CREB3L2: variants seen among roughly 807,000 people sequenced by gnomAD.
CREB3L2 encodes cyclic AMP-responsive element-binding protein 3-like protein 2.
In CREB3L2, 23 loss-of-function variants were observed where a neutral mutation model predicts 57.2. The observed-to-expected ratio is 0.40, with a 90% confidence interval of 0.29 to 0.57. The LOEUF (loss-of-function observed/expected upper bound fraction) is 0.57, where lower values mean the gene tolerates loss of function less well. Ranked by LOEUF, CREB3L2 falls within the 20% of genes least tolerant of loss-of-function variation. CREB3L2 has a pLI of 0.42. For missense variants in CREB3L2, 628 were observed against 634.7 expected (o/e 0.99, Z 0.11); for synonymous variants, 268 against 265.1 (o/e 1.01, Z -0.11).
At chr7:137,897,425 A>G (rs565940977) in intron 8 of CREB3L2, among the ~76,000 whole-genome samples, 13 of 152,310 alleles carry the variant, frequency 8.5e-5, no homozygotes, top group African/African-American at 3.1e-4. Context: ...GCTGGAGTGC[A>G]ATGGCACAAT....
At chr7:137,992,956 A>T (rs968647150) in intron 1 of CREB3L2, among the ~76,000 whole-genome samples, 28 of 152,352 alleles carry the variant, frequency 1.8e-4, no homozygotes, top group Admixed American at 9.1e-4. Context: ...GTGACCACGC[A>T]CTTGAGAAAA....
In CREB3L2 at chr7:137,966,402, C is replaced by T. The variant is rs140993176; in HGVS notation, c.102+35202G>A. ...CAGTCAACAAAGAAAACTGTTAATA[C>T]ATTGGTGCTCCCTCCAGTGGCTCAG... On this transcript the variant is annotated intron_variant, in intron 1 of 11. Coordinates refer to ENST00000330387, the MANE Select transcript of CREB3L2 (RefSeq NM_194071.4). Among the ~76,000 whole-genome samples, 797 of 152,282 alleles carry T rather than the reference C, an allele frequency of 5.2e-3. 3 individuals are homozygous for T. The highest frequency in any genetic ancestry group is 0.017 in the African/African-American group (712 of 41,554).
At chr7:137,996,185 T>C (rs1157482269) in intron 1 of CREB3L2, among the ~76,000 whole-genome samples, 2 of 152,224 alleles carry the variant, frequency 1.3e-5, no homozygotes, top group African/African-American at 4.8e-5. Flanking sequence ...TATTGTTAAA[T>C]ATAAATGCCC....
In CREB3L2 at chr7:137,880,223, A is replaced by G; in HGVS notation, c.*253T>C. ...CCTGCTTGTCCCACCTCCAACCCCT[A>G]AAATAATTTCCTATGGCAGTAAGAG... On this transcript the variant is annotated 3_prime_UTR_variant, in exon 12 of 12. Transcript: ENST00000330387. The surrounding 1 kb of genome is among the most constrained non-coding windows in gnomAD (Gnocchi z 4.0). 1 of 516,558 alleles carries G rather than the reference A, an allele frequency of 1.9e-6. No homozygotes were observed. Among genetic ancestry groups the G allele is most frequent in the South Asian group, 2.3e-5 (1 of 43,972 alleles). 32.0% of individuals were successfully genotyped at this position (516,558 alleles called of 1,614,324 possible). A position where few individuals can be genotyped will look rare whatever the true frequency, so the allele number is the denominator to read the frequency against.
chr7:137,941,476 T>C (rs1800878702), intron 1 of CREB3L2, among the ~76,000 whole-genome samples: 1 of 152,174 alleles, frequency 6.6e-6, no homozygotes, highest in South Asian at 2.1e-4. Flanking sequence ...CTTCCTCTCA[T>C]AAACCTCAAC....
rs147798412 is a variant in CREB3L2 at position 137,974,408 on chromosome 7, G to A, written c.102+27196C>T. Among the ~76,000 whole-genome samples the A allele has an allele frequency of 2.9e-4, 44 of 152,248 alleles. No individual in the cohort carries two copies. In the East Asian group the frequency reaches 6.8e-3, roughly 23 times the overall value. On this transcript the variant is annotated intron_variant, in intron 1 of 11. Coordinates refer to ENST00000330387, the MANE Select transcript of CREB3L2 (RefSeq NM_194071.4). ...AAGAGTGTTCCAACCAGGACCAACC[G>A]GCATGTACAAAGGCCCCATGGCAGG...
intron 1 of CREB3L2, chr7:137,955,417 C>A (rs1801189460): frequency 2.8e-6 from 2 of 719,980 alleles, no homozygotes; most frequent in Non-Finnish European, 2.1e-6. Context: ...CTCCTCTCCC[C>A]TTAATCCCCA....
intron 1 of CREB3L2, among the ~76,000 whole-genome samples, chr7:137,947,925 T>A (rs892072360): frequency 6.6e-6 from 1 of 152,276 alleles, no homozygotes; most frequent in Admixed American, 6.5e-5. Context: ...CCAGGCCTCC[T>A]CCGGCCCGAC....
chr7:137,956,053 G>T (rs1801203097), intron 1 of CREB3L2, among the ~76,000 whole-genome samples: 1 of 152,102 alleles, frequency 6.6e-6, no homozygotes, highest in Non-Finnish European at 1.5e-5. Flanking sequence ...TTAATTTCAG[G>T]TCTCAGATTT....
chr7:137,895,288 C>A (rs1799605457), intron 8 of CREB3L2, among the ~76,000 whole-genome samples: 1 of 152,178 alleles, frequency 6.6e-6, no homozygotes, highest in African/African-American at 2.4e-5. Flanking sequence ...CTTAGAAAAG[C>A]CAGAAGGATT....
At position 137,899,117 on chromosome 7, in the gene CREB3L2, G is replaced by A. The variant is rs1277286007; in HGVS notation, c.1043+2237C>T. ...AAAGAGAAGGAAGGAAGGAAGGAAG[G>A]AAGGAAGGAAGGAAGGAAGGAAGGA... is the stretch of plus-strand genomic sequence containing the variant. On this transcript the variant is annotated intron_variant, in intron 8 of 11. Transcript: ENST00000330387. Among the ~76,000 whole-genome samples the A allele has an allele frequency of 1.1e-3, 91 of 84,058 alleles. No individual in the cohort carries two copies. In the East Asian group the frequency reaches 0.017, roughly 15 times the overall value. 55.1% of individuals were successfully genotyped at this position (84,058 alleles called of 152,430 possible).
chr7:137,936,844 T>G (rs1386418702), intron 1 of CREB3L2, among the ~76,000 whole-genome samples: 2 of 152,222 alleles, frequency 1.3e-5, no homozygotes, highest in Non-Finnish European at 2.9e-5. Context: ...TCTAAAATGT[T>G]GCAGGCAACA....
chr7:137,913,198 T>G (rs1800054053), intron 3 of CREB3L2, 120 bp from the exon 4 acceptor site: 1 of 973,160 alleles, frequency 1.0e-6, no homozygotes, highest in African/African-American at 1.6e-5. Flanking sequence ...TCCTGGAGAA[T>G]AGCTGAGTGT....
chr7:137,919,782 A>G (rs987689755), intron 2 of CREB3L2, among the ~76,000 whole-genome samples: 1 of 152,254 alleles, frequency 6.6e-6, no homozygotes, highest in Non-Finnish European at 1.5e-5. Flanking sequence ...AAGACTTATA[A>G]TGAAATATTA....
chr7:137,882,712 G>T (rs768091777), intron 10 of CREB3L2, 84 bp from the exon 11 acceptor site: 1 of 937,720 alleles, frequency 1.1e-6, no homozygotes, highest in Non-Finnish European at 1.5e-6. Context: ...CTCAGGGCTG[G>T]TGGCAGATGA....
Position 137,879,467 on chromosome 7 carries a change from G to C in CREB3L2, c.*1009C>G, listed in dbSNP as rs549806191. ...GAAAAAGCTTGTGGCCAGGGAGCCC[G>C]GGGCCTGAGTGAGGCATTGTGTCAT... On this transcript the variant is annotated 3_prime_UTR_variant, in exon 12 of 12. Transcript: ENST00000330387. 5 of 375,248 alleles carry C rather than the reference G, an allele frequency of 1.3e-5. No individual in the cohort carries two copies. The highest frequency in any genetic ancestry group is 1.3e-4 in the Admixed American group (3 of 23,770). 23.2% of individuals were successfully genotyped at this position (375,248 alleles called of 1,614,324 possible).
At chr7:137,899,514 C>T (rs1420473154) in intron 8 of CREB3L2, among the ~76,000 whole-genome samples, 1 of 151,790 alleles carries the variant, frequency 6.6e-6, no homozygotes, top group Non-Finnish European at 1.5e-5. Flanking sequence ...TATGCTGGCT[C>T]GGGGAGCAGG....
chr7:137,879,524 A>G lies in CREB3L2; in HGVS notation c.*952T>C, dbSNP rs955063221. The G allele has an allele frequency of 1.1e-5, 3 of 269,056 alleles. No homozygotes were observed. The highest frequency in any genetic ancestry group is 2.2e-5 in the Non-Finnish European group (3 of 139,260). 16.7% of individuals were successfully genotyped at this position (269,056 alleles called of 1,614,324 possible). A position where few individuals can be genotyped will look rare whatever the true frequency, so the allele number is the denominator to read the frequency against. ...CTCTGAGCTCATCCTAGAGGCAGAC[A>G]CATACATGCTCAAAGGAACTTCTTT... On this transcript the variant is annotated 3_prime_UTR_variant, in exon 12 of 12. Coordinates refer to ENST00000330387, the MANE Select transcript of CREB3L2 (RefSeq NM_194071.4).
chr7:137,881,285 C>T lies in CREB3L2; in HGVS notation c.1488-734G>A, dbSNP rs187822976. Among the ~76,000 whole-genome samples, 53 of 152,280 alleles carry T rather than the reference C, an allele frequency of 3.5e-4. 1 individual carries two copies. Among genetic ancestry groups the T allele is most frequent in the Middle Eastern group, 6.8e-3 (2 of 294 alleles). On this transcript the variant is annotated intron_variant, in intron 11 of 11. Coordinates refer to ENST00000330387, the MANE Select transcript of CREB3L2 (RefSeq NM_194071.4). ...GATTTGTATGATACTGTTTCAGTAGCCCTCATCCGAAAATCTAAAATCTAA... is the reference window on the plus strand; with the variant it reads ...GATTTGTATGATACTGTTTCAGTAGTCCTCATCCGAAAATCTAAAATCTAA...
Sources: allele counts gnomAD v4.1 joint callset (sites outside exome capture counted in the v4.1 genomes callset), GRCh38; gene constraint gnomAD v4.1.1; non-coding constraint Gnocchi (gnomAD v3.1); transcripts MANE v1.5; gene names NCBI Gene and HGNC (gene_info 2026-07-23, HGNC 2026-07-21).